ALDH1A1: variants seen among roughly 807,000 people sequenced by gnomAD.
The protein encoded by ALDH1A1 is aldehyde dehydrogenase 1A1.
In ALDH1A1, 19 loss-of-function variants were observed where a neutral mutation model predicts 62.1. That is an observed-to-expected ratio of 0.31 (90% CI 0.21 to 0.45). The LOEUF (loss-of-function observed/expected upper bound fraction) is 0.45, where lower values mean the gene tolerates loss of function less well. Ranked by LOEUF, ALDH1A1 falls within the 20% of genes least tolerant of loss-of-function variation. The probability of loss-of-function intolerance (pLI) is 1.00; values close to 1 mark genes in which losing one functional copy is unlikely to be tolerated. For synonymous variants in ALDH1A1, 231 were observed against 215.9 expected (o/e 1.07, Z -0.61); for missense variants, 521 against 607.1 (o/e 0.86, Z 1.49).
intron 3 of ALDH1A1, among the ~76,000 whole-genome samples, chr9:72,930,400 A>T (rs1830265934): frequency 6.6e-6 from 1 of 152,186 alleles, no homozygotes; most frequent in Non-Finnish European, 1.5e-5. Flanking sequence ...GAAGAAAAAA[A>T]GTAGCCATTT....
rs1830271301 is a variant in ALDH1A1 at position 72,930,811 on chromosome 9, A to G, written c.312+68T>C. 9 of 1,593,606 alleles carry G rather than the reference A, an allele frequency of 5.6e-6. 1 individual carries two copies. The South Asian group carries it at 9.0e-5, about 16-fold the overall frequency. On this transcript the variant is annotated intron_variant, in intron 3 of 12. Coordinates refer to ENST00000297785, the MANE Select transcript of ALDH1A1 (RefSeq NM_000689.5). ...TATAGTGATCCCTAAAATCAAAACA[A>G]CTTGCCATTTCAAACGCTGAATGCT...
At chr9:72,933,703 C>A (rs1435685170) in intron 2 of ALDH1A1, among the ~76,000 whole-genome samples, 2 of 151,504 alleles carry the variant, frequency 1.3e-5, no homozygotes, top group Non-Finnish European at 2.9e-5. Context: ...TAAACATTTT[C>A]TATGTTAGAA....
At chr9:72,933,936 A>G (rs950525767) in intron 2 of ALDH1A1, among the ~76,000 whole-genome samples, 1 of 152,084 alleles carries the variant, frequency 6.6e-6, no homozygotes, top group African/African-American at 2.4e-5. Flanking sequence ...AGCTGGGACT[A>G]CAGGAGTGCA....
At chr9:72,937,726 C>T (rs1313296504) in intron 2 of ALDH1A1, among the ~76,000 whole-genome samples, 3 of 152,114 alleles carry the variant, frequency 2.0e-5, no homozygotes, top group Non-Finnish European at 2.9e-5. Context: ...ATGCGGTGGC[C>T]TGGGAAAGAG....
At chr9:72,929,213 G>A (rs113847068) in intron 3 of ALDH1A1, among the ~76,000 whole-genome samples, 192 bp from the exon 4 acceptor site, 12 of 152,116 alleles carry the variant, frequency 7.9e-5, no homozygotes, top group Admixed American at 7.2e-4. Flanking sequence ...GGGCACAAAG[G>A]GTAGTGAGAT....
chr9:72,952,585 A>T (rs560954463), intron 1 of ALDH1A1, among the ~76,000 whole-genome samples: 54 of 152,048 alleles, frequency 3.6e-4, no homozygotes, highest in Non-Finnish European at 6.9e-4. Flanking sequence ...TCTTTCCAGT[A>T]AGCTTCTCTA....
intron 9 of ALDH1A1, among the ~76,000 whole-genome samples, chr9:72,915,424 TTCACTTTTAGTTAGATAGATAAATAA>T (rs376181899): frequency 1.7e-3 from 256 of 151,716 alleles, no homozygotes; most frequent in African/African-American, 5.8e-3. Flanking sequence ...AGAAAAGTGC[TTCACTTTTAGTTAGATAGATAAATAA>T]TCACAACAAA....
At chr9:72,938,889 C>T (rs1830379029) in intron 2 of ALDH1A1, among the ~76,000 whole-genome samples, 1 of 151,186 alleles carries the variant, frequency 6.6e-6, no homozygotes, top group African/African-American at 2.4e-5. Flanking sequence ...ATTACAGGAA[C>T]CCACCACCAT....
chr9:72,902,216 C>T (rs1411006525), intron 12 of ALDH1A1, among the ~76,000 whole-genome samples: 2 of 151,850 alleles, frequency 1.3e-5, no homozygotes, highest in African/African-American at 4.8e-5. Flanking sequence ...CTGATTTACC[C>T]CTTGTTGAAG....
rs534996643 is a variant in ALDH1A1, at chr9:72,922,110, C to T, written c.747+1909G>A. On this transcript the variant is annotated intron_variant, in intron 7 of 12. Transcript: ENST00000297785. ...TTCTCACATTGTGTAAACTAGTGTG[C>T]GAAATTAAAAAGTATGGGAGGAAAG... 7.9e-5 allele frequency among the ~76,000 whole-genome samples: 12 copies of T among 151,888 alleles called. No homozygotes were observed. The South Asian group carries it at 1.0e-3, about 13-fold the overall frequency.
At chr9:72,909,563 TTATTACTGAAAAGGC>T (rs764779038) in intron 11 of ALDH1A1, 24 bp downstream of exon 11, 1 of 1,566,728 alleles carries the variant, frequency 6.4e-7, no homozygotes. Context: ...GTTAATGTGG[TTATTACTGAAAAGGC>T]TACATTCCTT....
chr9:72,909,249 C>T (rs892463191), intron 11 of ALDH1A1, among the ~76,000 whole-genome samples: 3 of 150,792 alleles, frequency 2.0e-5, no homozygotes, highest in African/African-American at 7.3e-5. Context: ...GCAACCTCCG[C>T]CTCCCAGGCT....
chr9:72,926,982 G>A (rs1198365076), intron 5 of ALDH1A1, 134 bp downstream of exon 5: 5 of 649,838 alleles, frequency 7.7e-6, no homozygotes, highest in Non-Finnish European at 1.3e-5. Flanking sequence ...GGGAGACCAA[G>A]TTCAACAAAT....
In ALDH1A1 at chr9:72,918,780, T is replaced by C. The variant is rs1419451465; in HGVS notation, c.790A>G (p.Lys264Glu). ...IKEAAGKSNL[K>E]RVTLELGGKS... ...CCTCCAAGCTCCAGGGTCACCCTCT[T>C]CAGATTGCTTTTCCCGGCAGCTTCT... The change falls in exon 8 of 13, where the codon AAG (lysine) becomes GAG (glutamate). Residue 264 changes from lysine to glutamate, a missense_variant. By Grantham distance (56) the Lys-to-Glu change is moderately conservative (BLOSUM62 1). Transcript: ENST00000297785. The C allele has an allele frequency of 6.2e-7, 1 of 1,614,088 alleles. No homozygotes were observed.
chr9:72,918,439 T>C (rs1031078460), intron 8 of ALDH1A1, among the ~76,000 whole-genome samples: 2 of 152,118 alleles, frequency 1.3e-5, no homozygotes, highest in Non-Finnish European at 2.9e-5. Flanking sequence ...AAATACACCA[T>C]GGCATTTAAA....
At chr9:72,928,213 TAAATTCCA>T (rs1206740898) in intron 4 of ALDH1A1, among the ~76,000 whole-genome samples, 175 of 151,892 alleles carry the variant, frequency 1.2e-3, no homozygotes, top group African/African-American at 4.1e-3. Flanking sequence ...TTGCCTGAAT[TAAATTCCA>T]CCCATACTGT....
At chr9:72,921,872 T>C (rs1830150660) in intron 7 of ALDH1A1, among the ~76,000 whole-genome samples, 1 of 151,778 alleles carries the variant, frequency 6.6e-6, no homozygotes, top group Non-Finnish European at 1.5e-5. Flanking sequence ...GGAACTCAGA[T>C]GGGGTGTTTT....
At chr9:72,925,424 T>C (rs1830192489) in intron 6 of ALDH1A1, 60 bp downstream of exon 6, 2 of 1,577,770 alleles carry the variant, frequency 1.3e-6, no homozygotes, top group Non-Finnish European at 1.7e-6. Flanking sequence ...AAATGAGGTC[T>C]TCCTATTGTA....
At chr9:72,937,977 T>C (rs1286831319) in intron 2 of ALDH1A1, among the ~76,000 whole-genome samples, 1 of 152,174 alleles carries the variant, frequency 6.6e-6, no homozygotes, top group Non-Finnish European at 1.5e-5. Flanking sequence ...CTTACTTGTT[T>C]TCATCATACT....
Sources: gnomAD v4.1 joint callset for allele counts (sites outside exome capture counted in the v4.1 genomes callset) on GRCh38, gnomAD v4.1.1 for gene constraint, MANE v1.5 for transcripts, NCBI Gene and HGNC (gene_info 2026-07-23, HGNC 2026-07-21) for gene names.